Variants in NHS observed in about 807,000 individuals in gnomAD.
NHS encodes the protein NHS actin remodeling regulator, also known as actin remodeling regulator NHS.
NHS carries 5 observed loss-of-function variants against 72.5 expected under a neutral mutation model. That is an observed-to-expected ratio of 0.07 (90% confidence interval 0.04 to 0.14). NHS has a LOEUF of 0.14. Ranked by LOEUF, NHS falls within the 10% of genes least tolerant of loss-of-function variation. The pLI is 1.00. For missense variants in NHS, 1,072 were observed against 1,355.7 expected, an observed-to-expected ratio of 0.79 and a Z score of 3.29; for synonymous variants, 464 against 547.7, an observed-to-expected ratio of 0.85 and a Z score of 2.13.
intron 1 of NHS, among the ~76,000 whole-genome samples, chrX:17,495,249 G>A (rs949379468): frequency 2.7e-5 from 3 of 111,649 alleles, no homozygotes; most frequent in Non-Finnish European, 5.6e-5. Flanking sequence ...TGGTCTGGCT[G>A]TGTATTTACA....
chrX:17,732,056 G>C lies in NHS; in HGVS notation c.4548G>C (p.Glu1516Asp). ...NAKKSNTSNE[E>D]FKLLLLKKGS... ...AAAAGTCCAACACATCCAATGAAGA[G>C]TTTAAGCTGTTACTGCTCAAGAAAG... is the stretch of plus-strand genomic sequence containing the variant. Residue 1516 changes from glutamate (E) to aspartate (D), a missense_variant, in exon 9 of 9, where the codon GAG becomes GAC. By Grantham distance (45) the Glu-to-Asp change is conservative (BLOSUM62 2). Coordinates refer to ENST00000676302, the MANE Select transcript of NHS (RefSeq NM_001291867.2). The C allele has an allele frequency of 8.3e-7, 1 of 1,211,374 alleles. No homozygotes were observed. The highest frequency in any genetic ancestry group is 1.1e-6 in the Non-Finnish European group (1 of 895,451).
intron 1 of NHS, among the ~76,000 whole-genome samples, chrX:17,551,735 A>T (rs183467519): frequency 9.0e-6 from 1 of 111,043 alleles, no homozygotes; most frequent in Admixed American, 9.5e-5. Context: ...TGCTTCCCTG[A>T]TGTACCCCTC....
chrX:17,400,272 CA>C (rs1268288080), intron 1 of NHS, among the ~76,000 whole-genome samples: 2 of 111,384 alleles, frequency 1.8e-5, no homozygotes. Flanking sequence ...TAGCAATGAA[CA>C]ATCAGAAAAA....
At chrX:17,445,033 TG>T (rs756885254) in intron 1 of NHS, among the ~76,000 whole-genome samples, 4 of 111,823 alleles carry the variant, frequency 3.6e-5, no homozygotes, top group Admixed American at 9.5e-5. Context: ...AAAATGAGTT[TG>T]GAAATGCTTC....
chrX:17,596,326 G>A (rs2065624153), intron 1 of NHS, among the ~76,000 whole-genome samples: 1 of 111,870 alleles, frequency 8.9e-6, no homozygotes, highest in South Asian at 3.7e-4. Context: ...GAGGGACTTG[G>A]CAGCTTCCAA....
In NHS at chrX:17,431,043, G is replaced by A. The variant is rs948804561; in HGVS notation, c.565+54721G>A. 2.7e-5 allele frequency among the ~76,000 whole-genome samples: 3 copies of A among 111,903 alleles called. No individual in the cohort carries two copies. In the East Asian group the frequency reaches 8.4e-4, roughly 31 times the overall value. On this transcript the variant is annotated intron_variant, in intron 1 of 8. Coordinates refer to ENST00000676302, the MANE Select transcript of NHS (RefSeq NM_001291867.2). ...ATAACTCCATGTTTAACCCTTGGAGGAATAGATTATGCATTTTTGACTTGT... is the reference window on the plus strand; with the variant it reads ...ATAACTCCATGTTTAACCCTTGGAGAAATAGATTATGCATTTTTGACTTGT...
chrX:17,558,541 G>T (rs1174780442), intron 1 of NHS, among the ~76,000 whole-genome samples: 2 of 112,448 alleles, frequency 1.8e-5, no homozygotes, highest in Admixed American at 9.4e-5. Flanking sequence ...ACAGAGCTAA[G>T]TTCTGACCCC....
chrX:17,468,269 C>T (rs924370896), intron 1 of NHS, among the ~76,000 whole-genome samples: 2 of 111,253 alleles, frequency 1.8e-5, no homozygotes, highest in African/African-American at 3.3e-5. Context: ...TCCTTGCCAT[C>T]GATCACAGTT....
intron 1 of NHS, among the ~76,000 whole-genome samples, chrX:17,667,316 A>AGAGGCAGGATATGGGTT (rs2066018767): frequency 8.9e-6 from 1 of 112,093 alleles, no homozygotes; most frequent in East Asian, 2.8e-4. Context: ...ACAAATGGAG[A>AGAGGCAGGATATGGGTT]GAGGCAGGAT....
chrX:17,661,095 G>C (rs1157893062), intron 1 of NHS, among the ~76,000 whole-genome samples: 1 of 111,407 alleles, frequency 9.0e-6, no homozygotes, highest in Admixed American at 9.5e-5. Flanking sequence ...CAAAGAGAAG[G>C]GGAACAGAAG....
intron 1 of NHS, among the ~76,000 whole-genome samples, chrX:17,386,663 C>CAAAAAAAAAA (rs1184465152): frequency 2.6e-5 from 1 of 38,440 alleles, no homozygotes; most frequent in African/African-American, 9.0e-5. Context: ...AACTCTGTCT[C>CAAAAAAAAAA]AAAAAAAAAA....
At chrX:17,629,922 G>A (rs116321189) in intron 1 of NHS, among the ~76,000 whole-genome samples, 7,691 of 109,517 alleles carry the variant, frequency 0.07, 677 homozygotes, top group African/African-American at 0.24. Flanking sequence ...ACCCTCCAAA[G>A]TGATCTGACC....
chrX:17,593,044 A>G (rs1213149571), intron 1 of NHS, among the ~76,000 whole-genome samples: 1 of 112,515 alleles, frequency 8.9e-6, no homozygotes, highest in African/African-American at 3.2e-5. Flanking sequence ...ACATTCAACA[A>G]GTAAGTGGCA....
rs780176861 is a variant in NHS at position 17,687,783 on chromosome X, T to C, written c.607T>C (p.Tyr203His). The C allele has an allele frequency of 8.3e-7, 1 of 1,210,315 alleles. No individual in the cohort carries two copies. Among genetic ancestry groups the C allele is most frequent in the African/African-American group, 1.7e-5 (1 of 57,158 alleles). Residue 203 changes from tyrosine to histidine, a missense_variant, in exon 2 of 9, where the codon TAC (tyrosine) becomes CAC (histidine). Tyr to His is a moderately conservative substitution (Grantham distance 83). Transcript: ENST00000676302. ...LDIESKLSVY[Y>H]RAPWHQQRNI... The stretch of plus-strand genomic sequence containing the variant: ...CATAGAGAGTAAGCTGAGTGTGTAC[T>C]ACCGCGCCCCGTGGCACCAGCAGCG...
At chrX:17,572,358 G>T (rs1436957199) in intron 1 of NHS, among the ~76,000 whole-genome samples, 3 of 110,218 alleles carry the variant, frequency 2.7e-5, no homozygotes, top group Non-Finnish European at 3.8e-5. Context: ...TCCTGTATTG[G>T]GTGCATATAT....
chrX:17,564,677 T>G (rs2065432999), intron 1 of NHS, among the ~76,000 whole-genome samples: 1 of 112,321 alleles, frequency 8.9e-6, no homozygotes, highest in Non-Finnish European at 1.9e-5. Context: ...ATGTGTTAGG[T>G]TAGAGCATGT....
chrX:17,620,283 G>A (rs747019453), intron 1 of NHS, among the ~76,000 whole-genome samples: 2 of 112,115 alleles, frequency 1.8e-5, no homozygotes, highest in East Asian at 5.6e-4. Context: ...GCCCCTGTGA[G>A]TTTTTAAGAG....
intron 1 of NHS, among the ~76,000 whole-genome samples, chrX:17,569,256 G>A (rs1447929657): frequency 1.8e-5 from 2 of 111,614 alleles, no homozygotes; most frequent in South Asian, 3.7e-4. Flanking sequence ...CTTTCACAAT[G>A]GTTGAACTAA....
chrX:17,610,494 T>C (rs1444289327), intron 1 of NHS, among the ~76,000 whole-genome samples: 2 of 112,074 alleles, frequency 1.8e-5, no homozygotes, highest in Non-Finnish European at 3.8e-5. Context: ...TTTGTTCATT[T>C]GGGGTAGATT....
Sources: gnomAD v4.1 joint callset for allele counts (sites outside exome capture counted in the v4.1 genomes callset) on GRCh38, gnomAD v4.1.1 for gene constraint, MANE v1.5 for transcripts, NCBI Gene and HGNC (gene_info 2026-07-23, HGNC 2026-07-21) for gene names.